The following EPYC variants were observed in gnomAD, a reference collection of about 807,000 sequenced individuals.
EPYC encodes dermatan sulfate proteoglycan 3.
A neutral mutation model predicts 30.1 loss-of-function variants in EPYC; 28 were observed. The ratio of observed to expected loss-of-function variants is 0.93; its 90% CI spans 0.69 to 1.28. The LOEUF is 1.28. Among genes scored for constraint, EPYC ranks in the 50% most tolerant of loss-of-function variants. The pLI is 0.00. For missense variants in EPYC, 382 were observed against 383.5 expected, an observed-to-expected ratio of 1.00 and a Z score of 0.03; for synonymous variants, 144 against 141.4, an observed-to-expected ratio of 1.02 and a Z score of -0.13.
chr12:91,004,323 AG>A (rs1355058755), intron 1 of EPYC, among the ~76,000 whole-genome samples: 1 of 152,144 alleles, frequency 6.6e-6, no homozygotes, highest in Admixed American at 6.6e-5. Context: ...ATCAACTATA[AG>A]GCAGGCTGTG....
At chr12:90,964,381 T>G in intron 6 of EPYC, 55 bp from the exon 7 acceptor site, 1 of 1,363,564 alleles carries the variant, frequency 7.3e-7, no homozygotes. Flanking sequence ...TAGTATTGAT[T>G]GATAGCGCAG....
In EPYC at chr12:90,972,023, A is replaced by G. The variant is rs780236728; in HGVS notation, c.500-21T>C. 2.2e-6 allele frequency: 3 copies of G among 1,342,414 alleles called. No homozygotes were observed. The South Asian group carries it at 4.2e-5, about 19-fold the overall frequency. The allele number at this position is 1,342,414 out of a possible 1,614,324, so 83.2% of individuals were successfully genotyped here. On this transcript the variant is annotated intron_variant, in intron 4 of 6. Transcript: ENST00000261172. ...ATCACCTAGCAGAAAAAAATAAAGG[A>G]AGTAATTAAATATTCTTGTTTTGCT...
intron 2 of EPYC, among the ~76,000 whole-genome samples, chr12:90,994,217 A>C (rs1877649170): frequency 6.6e-6 from 1 of 152,140 alleles, no homozygotes; most frequent in African/African-American, 2.4e-5. Flanking sequence ...GTTAGCCTTC[A>C]TCATAGCCCA....
chr12:90,994,145 A>G (rs1920757), intron 2 of EPYC, among the ~76,000 whole-genome samples: 124,172 of 152,076 alleles, frequency 0.82, 50,988 homozygotes, highest in Non-Finnish European at 0.87. Context: ...TTGCCTTCCC[A>G]AATTCTTGGC....
chr12:90,970,673 C>A (rs1248575114), intron 5 of EPYC, among the ~76,000 whole-genome samples: 1 of 152,198 alleles, frequency 6.6e-6, no homozygotes, highest in Non-Finnish European at 1.5e-5. Flanking sequence ...CCACCTGTGC[C>A]AACACAGGCA....
intron 2 of EPYC, among the ~76,000 whole-genome samples, chr12:90,999,397 C>A (rs1225007012): frequency 1.8e-4 from 27 of 151,944 alleles, no homozygotes; most frequent in Admixed American, 1.8e-3. Context: ...GTTCAGTTAT[C>A]CTATAAATTT....
chr12:90,974,251 G>A (rs944667115), intron 3 of EPYC, among the ~76,000 whole-genome samples: 14 of 107,396 alleles, frequency 1.3e-4, no homozygotes, highest in African/African-American at 3.7e-4. Flanking sequence ...AACAACCTAA[G>A]CCTCCTGAGA....
chr12:90,987,265 G>T (rs889209782), intron 2 of EPYC, among the ~76,000 whole-genome samples: 1 of 151,914 alleles, frequency 6.6e-6, no homozygotes, highest in Admixed American at 6.6e-5. Flanking sequence ...CCACAGACAT[G>T]CTAGCCCTGA....
At chr12:90,993,384 A>G (rs1445646553) in intron 2 of EPYC, among the ~76,000 whole-genome samples, 1 of 152,018 alleles carries the variant, frequency 6.6e-6, no homozygotes, top group Non-Finnish European at 1.5e-5. Context: ...TAGGGGGTAC[A>G]CCTCGCCTTT....
intron 5 of EPYC, among the ~76,000 whole-genome samples, chr12:90,970,848 C>T (rs762484066): frequency 3.3e-5 from 5 of 152,206 alleles, no homozygotes; most frequent in African/African-American, 2.4e-5. Context: ...CCTGAGAATA[C>T]TGTGGTGTCT....
chr12:90,990,746 C>A (rs1401514049), intron 2 of EPYC, among the ~76,000 whole-genome samples: 3 of 152,052 alleles, frequency 2.0e-5, no homozygotes, highest in Non-Finnish European at 4.4e-5. Context: ...TCCAAGGGAT[C>A]GAACTCTTTA....
chr12:90,971,672 C>CAGTAAATA (rs1877047006), intron 5 of EPYC, 128 bp downstream of exon 5: 1 of 196,634 alleles, frequency 5.1e-6, no homozygotes, highest in African/African-American at 2.7e-5. Context: ...GACCCTATCT[C>CAGTAAATA]AATAAATAAA....
intron 2 of EPYC, among the ~76,000 whole-genome samples, chr12:91,001,654 T>C (rs1877824890): frequency 6.6e-6 from 1 of 152,164 alleles, no homozygotes; most frequent in African/African-American, 2.4e-5. Context: ...CATTCACTGT[T>C]GAGCTACAGT....
At chr12:90,979,324 T>G (rs754826274) in intron 2 of EPYC, among the ~76,000 whole-genome samples, 1 of 152,142 alleles carries the variant, frequency 6.6e-6, no homozygotes, top group Non-Finnish European at 1.5e-5. Flanking sequence ...ACCACACCAA[T>G]ATGGCCTTTT....
intron 2 of EPYC, among the ~76,000 whole-genome samples, chr12:90,997,942 G>A (rs775096860): frequency 1.3e-5 from 2 of 151,916 alleles, no homozygotes; most frequent in Non-Finnish European, 2.9e-5. Context: ...ACAGAAAATG[G>A]GGGCAGAATA....
chr12:90,997,734 C>T (rs745598241), intron 2 of EPYC, among the ~76,000 whole-genome samples: 3 of 151,974 alleles, frequency 2.0e-5, no homozygotes, highest in South Asian at 4.1e-4. Context: ...AGAATGCATA[C>T]TTACAATTAG....
intron 2 of EPYC, among the ~76,000 whole-genome samples, chr12:90,990,289 C>A (rs780518767): frequency 6.6e-6 from 1 of 151,950 alleles, no homozygotes; most frequent in Non-Finnish European, 1.5e-5. Flanking sequence ...TGTAGAACTT[C>A]TTTGGATAAA....
chr12:90,994,979 C>T (rs548302794), intron 2 of EPYC, among the ~76,000 whole-genome samples: 6 of 152,166 alleles, frequency 3.9e-5, no homozygotes, highest in Admixed American at 3.9e-4. Context: ...CTTCTAAAGG[C>T]GTTAAAAGGC....
At chr12:91,004,247 T>C (rs549140566) in intron 1 of EPYC, among the ~76,000 whole-genome samples, 1 of 152,234 alleles carries the variant, frequency 6.6e-6, no homozygotes, top group South Asian at 2.1e-4. Context: ...TCTCACATCA[T>C]ACTATATTTG....
Sources: gnomAD v4.1 joint callset for allele counts (sites outside exome capture counted in the v4.1 genomes callset) on GRCh38, gnomAD v4.1.1 for gene constraint, MANE v1.5 for transcripts, NCBI Gene and HGNC (gene_info 2026-07-23, HGNC 2026-07-21) for gene names.